Variants in ERBB4 observed in about 807,000 individuals in gnomAD.
ERBB4 encodes receptor tyrosine-protein kinase erbB-4.
In ERBB4, 42 loss-of-function variants were observed where a neutral mutation model predicts 158.0. That is an observed-to-expected ratio of 0.27 (90% CI 0.21 to 0.34). ERBB4 has a LOEUF of 0.34. Ranked by LOEUF, ERBB4 falls within the 10% of genes least tolerant of loss-of-function variation. The pLI is 1.00. For missense variants in ERBB4, 1,333 were observed against 1,624.1 expected, an observed-to-expected ratio of 0.82 and a Z score of 3.08; for synonymous variants, 583 against 558.7, an observed-to-expected ratio of 1.04 and a Z score of -0.61.
At chr2:212,278,511 G>A (rs1027995926) in intron 1 of ERBB4, among the ~76,000 whole-genome samples, 8 of 151,642 alleles carry the variant, frequency 5.3e-5, no homozygotes, top group African/African-American at 1.7e-4. Context: ...GGGCCAAGCA[G>A]ACCTGAATGA....
intron 2 of ERBB4, among the ~76,000 whole-genome samples, chr2:212,124,269 A>G (rs2079849978): frequency 6.6e-6 from 1 of 152,150 alleles, no homozygotes; most frequent in Non-Finnish European, 1.5e-5. Context: ...TCTACTTTAA[A>G]TAATTTGTAG....
chr2:211,395,829 T>C (rs2062904136), intron 25 of ERBB4, among the ~76,000 whole-genome samples: 1 of 152,096 alleles, frequency 6.6e-6, no homozygotes, highest in South Asian at 2.1e-4. Context: ...TAAAAATCGA[T>C]ATACACATAC....
At chr2:212,421,056 GT>G (rs929223901) in intron 1 of ERBB4, among the ~76,000 whole-genome samples, 1 of 152,062 alleles carries the variant, frequency 6.6e-6, no homozygotes, top group Admixed American at 6.6e-5. Flanking sequence ...TTGTGGTGAT[GT>G]TTTTTATTTC....
chr2:211,968,587 G>A (rs1036166976), intron 2 of ERBB4, among the ~76,000 whole-genome samples: 1 of 151,764 alleles, frequency 6.6e-6, no homozygotes, highest in African/African-American at 2.4e-5. Context: ...TTTATTTATT[G>A]CTCTGTTCTC....
chr2:211,505,134 C>G (rs984682493), intron 20 of ERBB4, among the ~76,000 whole-genome samples: 2 of 151,924 alleles, frequency 1.3e-5, no homozygotes, highest in African/African-American at 4.8e-5. Context: ...ATGAACATTA[C>G]CAAGGTGTAT....
intron 2 of ERBB4, among the ~76,000 whole-genome samples, chr2:212,071,855 T>C (rs2078130875): frequency 6.6e-6 from 1 of 151,974 alleles, no homozygotes; most frequent in African/African-American, 2.4e-5. Flanking sequence ...TTCACTTGAT[T>C]GGAGTCTGTT....
intron 19 of ERBB4, among the ~76,000 whole-genome samples, chr2:211,591,670 C>T (rs2068469131): frequency 6.6e-6 from 1 of 152,214 alleles, no homozygotes; most frequent in African/African-American, 2.4e-5. Context: ...TCCCCACACT[C>T]AGCTCTGCAG....
chr2:211,712,272 T>C (rs1332511246), intron 8 of ERBB4, 96 bp from the exon 9 acceptor site: 33 of 1,184,884 alleles, frequency 2.8e-5, no homozygotes, highest in Non-Finnish European at 3.8e-5. Context: ...GTATTTTTAA[T>C]TGTAACATAT....
chr2:211,451,694 T>A (rs1241904598), intron 20 of ERBB4, among the ~76,000 whole-genome samples: 1 of 152,140 alleles, frequency 6.6e-6, no homozygotes, highest in Non-Finnish European at 1.5e-5. Flanking sequence ...AAGGTCAAGG[T>A]AAATGCAACC....
At chr2:211,929,803 T>C (rs1196477994) in intron 3 of ERBB4, among the ~76,000 whole-genome samples, 6 of 151,544 alleles carry the variant, frequency 4.0e-5, no homozygotes, top group Non-Finnish European at 7.3e-5. Flanking sequence ...CATATAGACA[T>C]ATAAATGCAT....
Position 211,379,542 on chromosome 2 carries a change from A to G in ERBB4, c.*4073T>C, listed in dbSNP as rs999423794. ...CTTATCTTTTTACTATGCAAAATCC[A>G]TCCTACATTTTTATATCCTGCATTT... is the stretch of plus-strand genomic sequence containing the variant. On this transcript the variant is annotated 3_prime_UTR_variant, in exon 28 of 28. Transcript: ENST00000342788. The G allele has an allele frequency of 4.3e-6, 1 of 231,136 alleles. No individual in the cohort carries two copies. The highest frequency in any genetic ancestry group is 8.6e-6 in the Non-Finnish European group (1 of 116,770). The allele number at this position is 231,136 out of a possible 1,614,324, so 14.3% of individuals were successfully genotyped here. A position where few individuals can be genotyped will look rare whatever the true frequency, so the allele number is the denominator to read the frequency against.
chr2:212,236,236 G>A (rs2083868494), intron 1 of ERBB4, among the ~76,000 whole-genome samples: 1 of 152,156 alleles, frequency 6.6e-6, no homozygotes, highest in Admixed American at 6.5e-5. Context: ...TGTGGTTTTT[G>A]TCATTGGTTT....
intron 20 of ERBB4, among the ~76,000 whole-genome samples, chr2:211,560,824 G>C (rs1415871370): frequency 6.6e-6 from 1 of 152,026 alleles, no homozygotes; most frequent in Non-Finnish European, 1.5e-5. Context: ...GAGCTTTTCT[G>C]TCAAGTAAAA....
At chr2:212,009,208 GA>G (rs2076327895) in intron 2 of ERBB4, among the ~76,000 whole-genome samples, 1 of 151,916 alleles carries the variant, frequency 6.6e-6, no homozygotes, top group Non-Finnish European at 1.5e-5. Flanking sequence ...ATCTTCTTTG[GA>G]AAAAGGATCT....
intron 5 of ERBB4, among the ~76,000 whole-genome samples, chr2:211,747,785 A>C (rs2075017303): frequency 6.6e-6 from 1 of 151,862 alleles, no homozygotes; most frequent in Admixed American, 6.6e-5. Context: ...CATATATCTC[A>C]ATCTGAGAAT....
chr2:212,019,606 A>G (rs559946900), intron 2 of ERBB4, among the ~76,000 whole-genome samples: 1 of 152,028 alleles, frequency 6.6e-6, no homozygotes, highest in East Asian at 1.9e-4. Context: ...CTACTAAAAT[A>G]CAAAAATTCA....
At chr2:212,407,618 G>A (rs1286764021) in intron 1 of ERBB4, among the ~76,000 whole-genome samples, 2 of 151,962 alleles carry the variant, frequency 1.3e-5, no homozygotes, top group Non-Finnish European at 2.9e-5. Flanking sequence ...TAAAATTCAA[G>A]AGTATGTGTA....
rs950096038 is a variant in ERBB4, at chr2:211,415,265, C to T, written c.3135+5176G>A. ...CCGAGTAGCCGGGACCACAGGCGCC[C>T]GCCACCACGCCCGGCTAATTTTTTG... On this transcript the variant is annotated intron_variant, in intron 25 of 27. Coordinates refer to ENST00000342788, the MANE Select transcript of ERBB4 (RefSeq NM_005235.3). Among the ~76,000 whole-genome samples the T allele has an allele frequency of 8.6e-5, 13 of 151,972 alleles. No homozygotes were observed. In the East Asian group the frequency reaches 1.9e-3, roughly 23 times the overall value.
chr2:211,976,752 C>T (rs542747088), intron 2 of ERBB4, among the ~76,000 whole-genome samples: 41 of 151,970 alleles, frequency 2.7e-4, no homozygotes, highest in African/African-American at 9.4e-4. Flanking sequence ...CAAAATAAAA[C>T]CAGTTTTAGC....
Sources: allele counts gnomAD v4.1 joint callset (sites outside exome capture counted in the v4.1 genomes callset), GRCh38; gene constraint gnomAD v4.1.1; transcripts MANE v1.5; gene names NCBI Gene and HGNC (gene_info 2026-07-23, HGNC 2026-07-21).